Variants in CHD6 observed in about 807,000 individuals in gnomAD.
CHD6 encodes the protein chromodomain helicase DNA binding protein 6, also known as ATP-dependent chromatin remodeler CHD6.
A neutral mutation model predicts 276.9 loss-of-function variants in CHD6; 50 were observed. That is an observed-to-expected ratio of 0.18 (90% CI 0.14 to 0.23). CHD6 has a LOEUF of 0.23. CHD6 is among the 10% of genes least tolerant of loss of function. The probability of loss-of-function intolerance (pLI) is 1.00; values close to 1 mark genes in which losing one functional copy is unlikely to be tolerated. For synonymous variants in CHD6, 1,173 were observed against 1,229.3 expected (o/e 0.95, Z 0.96); for missense variants, 2,564 against 3,365.8 (o/e 0.76, Z 5.89).
intron 5 of CHD6, among the ~76,000 whole-genome samples, chr20:41,512,096 T>C (rs768538803): frequency 6.6e-6 from 1 of 151,938 alleles, no homozygotes; most frequent in Non-Finnish European, 1.5e-5. Flanking sequence ...ATCTCCCAAG[T>C]AGCTGGGATT....
chr20:41,448,654 G>A (rs2048143856), intron 23 of CHD6, among the ~76,000 whole-genome samples: 1 of 152,174 alleles, frequency 6.6e-6, no homozygotes, highest in Admixed American at 6.5e-5. Context: ...CCGGCCTGCA[G>A]AGTCATGAGC....
At position 41,439,113 on chromosome 20, in the gene CHD6, T is replaced by G. The variant is rs1415916510; in HGVS notation, c.4007+887A>C. On this transcript the variant is annotated intron_variant, in intron 26 of 36. Transcript: ENST00000373233. Reference sequence around the variant, plus strand: ...TGGCTCACGCCTGTAATCCCAGTACTTTGGGAGGCTGAGGTGGGTGGATCA... The same window carrying G: ...TGGCTCACGCCTGTAATCCCAGTACGTTGGGAGGCTGAGGTGGGTGGATCA... 3.3e-5 allele frequency among the ~76,000 whole-genome samples: 5 copies of G among 152,066 alleles called. No homozygotes were observed. In the East Asian group the frequency reaches 9.6e-4, roughly 29 times the overall value.
rs369369867 is a variant in CHD6 at position 41,423,670 on chromosome 20, A to G, written c.4377T>C (p.Tyr1459=). ...CAACACCAAAGGAAGACACTGTTCTATAGAAGTCTGCTTGTTCTCTCCTAG... is the reference window on the plus strand; with the variant it reads ...CAACACCAAAGGAAGACACTGTTCTGTAGAAGTCTGCTTGTTCTCTCCTAG... The part of the protein sequence containing the change: ...RWTRREQADF[Y]RTVSSFGVVY... Residue 1459 remains tyrosine, a synonymous_variant, in exon 30 of 37, where the codon TAT becomes TAC. Coordinates refer to ENST00000373233, the MANE Select transcript of CHD6 (RefSeq NM_032221.5). The G allele has an allele frequency of 6.5e-5, 105 of 1,614,088 alleles. No homozygotes were observed. Among genetic ancestry groups the G allele is most frequent in the Non-Finnish European group, 8.7e-5 (103 of 1,180,036 alleles).
chr20:41,453,409 C>T (rs2048299598), intron 20 of CHD6, among the ~76,000 whole-genome samples: 1 of 152,218 alleles, frequency 6.6e-6, no homozygotes. Context: ...TATCTGCCTT[C>T]GACTGGTTCT....
intron 1 of CHD6, among the ~76,000 whole-genome samples, chr20:41,565,481 T>C (rs1441625336): frequency 6.6e-6 from 1 of 151,832 alleles, no homozygotes; most frequent in East Asian, 1.9e-4. Flanking sequence ...TTTGGGAGAG[T>C]AGATGGATAA....
At chr20:41,431,754 A>G (rs1309727279) in intron 27 of CHD6, among the ~76,000 whole-genome samples, 2 of 151,932 alleles carry the variant, frequency 1.3e-5, no homozygotes, top group East Asian at 3.9e-4. Flanking sequence ...GGACTCAAGG[A>G]ATGACATGAT....
intron 24 of CHD6, among the ~76,000 whole-genome samples, chr20:41,446,349 T>C (rs1432038226): frequency 6.6e-6 from 1 of 152,132 alleles, no homozygotes; most frequent in Non-Finnish European, 1.5e-5. Flanking sequence ...TAGATCAAAA[T>C]TGATCAAAAA....
intron 1 of CHD6, among the ~76,000 whole-genome samples, chr20:41,556,058 C>G (rs1240941403): frequency 6.6e-6 from 1 of 152,148 alleles, no homozygotes; most frequent in African/African-American, 2.4e-5. Context: ...GAGACCAGCC[C>G]GGCCAACACA....
intron 1 of CHD6, among the ~76,000 whole-genome samples, chr20:41,556,122 C>A (rs1229907611): frequency 6.6e-6 from 1 of 152,272 alleles, no homozygotes; most frequent in South Asian, 2.1e-4. Context: ...CGTGGCGGCG[C>A]GCACCTGCAA....
At chr20:41,407,785 G>A (rs538697301) in intron 36 of CHD6, among the ~76,000 whole-genome samples, 2 of 152,350 alleles carry the variant, frequency 1.3e-5, no homozygotes, top group Admixed American at 1.3e-4. Flanking sequence ...GTCAGAGGCA[G>A]CAGGGAAGGC....
chr20:41,498,811 A>ATGTATGTATG (rs1555796111), intron 6 of CHD6, among the ~76,000 whole-genome samples: 43 of 86,552 alleles, frequency 5.0e-4, no homozygotes, highest in East Asian at 2.0e-3. Context: ...GTATGTATGT[A>ATGTATGTATG]TGTGTGTGTG....
chr20:41,539,814 A>G (rs1421528582), intron 2 of CHD6, among the ~76,000 whole-genome samples: 1 of 152,232 alleles, frequency 6.6e-6, no homozygotes, highest in Non-Finnish European at 1.5e-5. Context: ...GCCAATCTTT[A>G]GGAAAATATT....
chr20:41,437,452 C>CGA (rs748384718), intron 26 of CHD6, 118 bp from the exon 27 acceptor site: 19 of 618,398 alleles, frequency 3.1e-5, no homozygotes, highest in South Asian at 1.3e-4. Flanking sequence ...AGAGACAGGG[C>CGA]GAGAGAGAGA....
intron 17 of CHD6, among the ~76,000 whole-genome samples, chr20:41,469,182 A>C (rs1418732796): frequency 6.6e-6 from 1 of 152,128 alleles, no homozygotes; most frequent in Non-Finnish European, 1.5e-5. Context: ...AATCCTGCAG[A>C]CATGCAGCAG....
intron 27 of CHD6, among the ~76,000 whole-genome samples, chr20:41,436,403 T>C (rs2047710942): frequency 6.6e-6 from 1 of 152,334 alleles, no homozygotes; most frequent in South Asian, 2.1e-4. Context: ...GGATCTCTCA[T>C]GCATTGCTAA....
At chr20:41,423,458 G>T (rs1407425537) in intron 30 of CHD6, 34 bp downstream of exon 30, 3 of 1,578,742 alleles carry the variant, frequency 1.9e-6, no homozygotes, top group Admixed American at 1.7e-5. Context: ...TTCTTTCCTT[G>T]TATCATCTGA....
intron 5 of CHD6, among the ~76,000 whole-genome samples, chr20:41,503,256 T>C (rs536683746): frequency 6.6e-5 from 10 of 152,356 alleles, no homozygotes; most frequent in African/African-American, 2.2e-4. Context: ...TGTATCCATA[T>C]TGCATATTAT....
At chr20:41,602,921 G>A (rs954079072) in intron 1 of CHD6, among the ~76,000 whole-genome samples, 1 of 152,104 alleles carries the variant, frequency 6.6e-6, no homozygotes, top group Non-Finnish European at 1.5e-5. Context: ...GGGCTCACGT[G>A]ATCTGCCTGC....
At chr20:41,537,359 T>A (rs913546866) in intron 2 of CHD6, among the ~76,000 whole-genome samples, 1 of 152,156 alleles carries the variant, frequency 6.6e-6, no homozygotes, top group Non-Finnish European at 1.5e-5. Context: ...CTACAACAAC[T>A]ATTTATGTAG....
Sources: gnomAD v4.1 joint callset for allele counts (sites outside exome capture counted in the v4.1 genomes callset) on GRCh38, gnomAD v4.1.1 for gene constraint, MANE v1.5 for transcripts, NCBI Gene and HGNC (gene_info 2026-07-23, HGNC 2026-07-21) for gene names.